RPH3AL: variants seen among roughly 807,000 people sequenced by gnomAD.
The protein encoded by RPH3AL is rabphilin 3A like (without C2 domains).
RPH3AL carries 38 observed loss-of-function variants against 43.1 expected under a neutral mutation model. That is an observed-to-expected ratio of 0.88 (90% CI 0.68 to 1.15). The LOEUF is 1.15. Ranked by LOEUF, RPH3AL falls within the 50% of genes most tolerant of loss-of-function variation. The pLI is 0.00. For missense variants in RPH3AL, 462 were observed against 423.2 expected, an observed-to-expected ratio of 1.09 and a Z score of -0.81; for synonymous variants, 189 against 176.3, an observed-to-expected ratio of 1.07 and a Z score of -0.57.
At chr17:304,568 G>A (rs938092388) in intron 5 of RPH3AL, among the ~76,000 whole-genome samples, 2 of 152,156 alleles carry the variant, frequency 1.3e-5, no homozygotes, top group Non-Finnish European at 2.9e-5. Context: ...AAGGAAGTCA[G>A]GCCCCTTCTC....
chr17:280,239 T>C (rs1051190118), intron 6 of RPH3AL, among the ~76,000 whole-genome samples: 5 of 152,204 alleles, frequency 3.3e-5, no homozygotes, highest in Non-Finnish European at 5.9e-5. Flanking sequence ...GGACTAAAAG[T>C]GACCCTTGGG....
At chr17:301,696 C>T (rs2043332440) in intron 5 of RPH3AL, among the ~76,000 whole-genome samples, 1 of 152,152 alleles carries the variant, frequency 6.6e-6, no homozygotes, top group African/African-American at 2.4e-5. Flanking sequence ...ACCTCGGCCT[C>T]CCAAAGTCCT....
At chr17:331,637 C>A (rs2044769207) in intron 2 of RPH3AL, 2 of 1,288,248 alleles carry the variant, frequency 1.6e-6, no homozygotes, top group Admixed American at 2.3e-5. Context: ...CTCCAAACCT[C>A]GTCAGCATGC....
chr17:293,901 C>T (rs762437554), intron 5 of RPH3AL, among the ~76,000 whole-genome samples: 11 of 152,042 alleles, frequency 7.2e-5, no homozygotes, highest in Non-Finnish European at 1.3e-4. Context: ...CGGTGGTACT[C>T]ACCCGGAATC....
intron 6 of RPH3AL, among the ~76,000 whole-genome samples, chr17:253,062 G>A (rs2041949636): frequency 6.6e-6 from 1 of 152,176 alleles, no homozygotes; most frequent in Non-Finnish European, 1.5e-5. Flanking sequence ...TACACTTCCT[G>A]GTGGAATCCA....
intron 5 of RPH3AL, among the ~76,000 whole-genome samples, chr17:314,566 C>T (rs1332279985): frequency 2.8e-5 from 4 of 141,854 alleles, no homozygotes; most frequent in Non-Finnish European, 6.3e-5. Flanking sequence ...TGTGCCCCAC[C>T]TCCACTGACA....
At chr17:315,513 A>AG (rs1184433676) in intron 5 of RPH3AL, among the ~76,000 whole-genome samples, 207 of 144,756 alleles carry the variant, frequency 1.4e-3, no homozygotes, top group African/African-American at 5.2e-3. Flanking sequence ...CTCCACCTCC[A>AG]TTGACCTGTA....
At position 319,459 on chromosome 17, in the gene RPH3AL, G is replaced by A. The variant is rs956326380; in HGVS notation, c.312C>T (p.Phe104=). ...TGCAGAACACCGACGAGCTGCCCAG[G>A]AAGCCCAGCACCTCCCCGCAGAGCA... The part of the protein sequence containing the change: ...QCLLCGEVLG[F]LGSSSVFCKD... Residue 104 remains phenylalanine, a synonymous_variant, in exon 5 of 10, where the codon TTC becomes TTT. Transcript: ENST00000331302. 3.7e-6 allele frequency: 6 copies of A among 1,612,512 alleles called. No homozygotes were observed. In the African/African-American group the frequency reaches 6.7e-5, roughly 18 times the overall value.
At position 262,376 on chromosome 17, in the gene RPH3AL, C is replaced by T. The variant is rs187808637; in HGVS notation, c.439-15091G>A. 2.5e-3 allele frequency among the ~76,000 whole-genome samples: 377 copies of T among 152,104 alleles called. 2 individuals are homozygous for T. The highest frequency in any genetic ancestry group is 8.4e-3 in the African/African-American group (349 of 41,526). The stretch of plus-strand genomic sequence containing the variant: ...GATTACAGGCACCCGCCACCAGGCC[C>T]GGCTAATTTTTGTATTTTTAGTAGA... On this transcript the variant is annotated intron_variant, in intron 6 of 9. Transcript: ENST00000331302.
chr17:217,376 A>C (rs1360108800), intron 8 of RPH3AL, among the ~76,000 whole-genome samples: 16 of 62,218 alleles, frequency 2.6e-4, no homozygotes, highest in South Asian at 1.1e-3. Flanking sequence ...TGAAATCAGG[A>C]CCCCCAAGGC....
At chr17:222,930 C>T (rs1004503491) in intron 7 of RPH3AL, among the ~76,000 whole-genome samples, 1 of 152,250 alleles carries the variant, frequency 6.6e-6, no homozygotes, top group Non-Finnish European at 1.5e-5. Flanking sequence ...TGGCTCACGC[C>T]TGTAATCCCA....
rs1414545208 is a variant in RPH3AL, at chr17:322,639, T to C, written c.78-1224A>G. 6.6e-6 allele frequency among the ~76,000 whole-genome samples: 1 copy of C among 151,984 alleles called. No homozygotes were observed. Among genetic ancestry groups the C allele is most frequent in the Non-Finnish European group, 1.5e-5 (1 of 67,996 alleles). On this transcript the variant is annotated intron_variant, in intron 3 of 9. Coordinates refer to ENST00000331302, the MANE Select transcript of RPH3AL (RefSeq NM_006987.4). This position sits in a 1 kb window ranked among gnomAD's most constrained non-coding sequence, Gnocchi z 4.0. ...GAAAGGCTCGCTTTCTTTAGGGAAG[T>C]GTCAGAAGGCAAGAGTCCTGGAGGC...
intron 7 of RPH3AL, among the ~76,000 whole-genome samples, chr17:239,962 G>A (rs1175898108): frequency 6.6e-6 from 1 of 152,168 alleles, no homozygotes; most frequent in South Asian, 2.1e-4. Context: ...TTTTGGCCAG[G>A]TGCAGTGGCT....
rs1030314292 is a variant in RPH3AL, at chr17:322,789, C to T, written c.78-1374G>A. ...GTTGCAGCTAACGGTTCTCTGTGGC[C>T]GACACAATAGGAGTTTGGAAAGCTA... On this transcript the variant is annotated intron_variant, in intron 3 of 9. Coordinates refer to ENST00000331302, the MANE Select transcript of RPH3AL (RefSeq NM_006987.4). The surrounding 1 kb of genome is among the most constrained non-coding windows in gnomAD (Gnocchi z 4.0). Among the ~76,000 whole-genome samples, 4 of 151,942 alleles carry T rather than the reference C, an allele frequency of 2.6e-5. No homozygotes were observed. The highest frequency in any genetic ancestry group is 9.7e-5 in the African/African-American group (4 of 41,352).
intron 6 of RPH3AL, among the ~76,000 whole-genome samples, chr17:262,422 G>A (rs1473532426): frequency 1.3e-5 from 2 of 152,260 alleles, no homozygotes; most frequent in East Asian, 1.9e-4. Context: ...CACCATGTTC[G>A]CCGGGCTGGT....
intron 3 of RPH3AL, among the ~76,000 whole-genome samples, chr17:325,672 A>G (rs183146318): frequency 6.6e-6 from 1 of 152,248 alleles, no homozygotes; most frequent in Non-Finnish European, 1.5e-5. Flanking sequence ...CTGGGTAACT[A>G]TTCAAATAAT....
chr17:305,362 C>T (rs1448871382), intron 5 of RPH3AL, among the ~76,000 whole-genome samples: 4 of 151,970 alleles, frequency 2.6e-5, no homozygotes, highest in Non-Finnish European at 4.4e-5. Context: ...CAGGGACAAT[C>T]CGGGAGGGTG....
At chr17:251,999 G>A (rs1175794178) in intron 6 of RPH3AL, among the ~76,000 whole-genome samples, 1 of 148,240 alleles carries the variant, frequency 6.7e-6, no homozygotes, top group Non-Finnish European at 1.5e-5. Flanking sequence ...TTGAGACAGG[G>A]TCTTGCTCTG....
At chr17:277,679 G>C (rs998570782) in intron 6 of RPH3AL, among the ~76,000 whole-genome samples, 54 of 152,162 alleles carry the variant, frequency 3.5e-4, no homozygotes, top group African/African-American at 1.2e-3. Context: ...TCTTGGCCAG[G>C]TGTAGTGGCT....
Sources: allele counts gnomAD v4.1 joint callset (sites outside exome capture counted in the v4.1 genomes callset), GRCh38; gene constraint gnomAD v4.1.1; non-coding constraint Gnocchi (gnomAD v3.1); transcripts MANE v1.5; gene names NCBI Gene and HGNC (gene_info 2026-07-23, HGNC 2026-07-21).